Variants in AHI1 observed in about 807,000 individuals in gnomAD.
AHI1 encodes Abelson helper integration site 1.
A neutral mutation model predicts 149.3 loss-of-function variants in AHI1; 123 were observed. That is an observed-to-expected ratio of 0.82 (90% CI 0.71 to 0.96). The LOEUF (loss-of-function observed/expected upper bound fraction) is 0.96. Among genes scored for constraint, AHI1 ranks in the 40% least tolerant of loss-of-function variants. The pLI, the probability that AHI1 is intolerant of heterozygous loss-of-function variation, is 0.00. For missense variants in AHI1, 1,439 were observed against 1,422.7 expected, an observed-to-expected ratio of 1.01 and a Z score of -0.18; for synonymous variants, 475 against 459.8, an observed-to-expected ratio of 1.03 and a Z score of -0.42.
chr6:135,412,108 T>C (rs959411562), intron 20 of AHI1, among the ~76,000 whole-genome samples: 3 of 152,256 alleles, frequency 2.0e-5, no homozygotes, highest in Admixed American at 1.3e-4. Context: ...CTGAATACAG[T>C]TGGTCCACTG....
At chr6:135,393,336 T>G (rs112717259) in intron 23 of AHI1, among the ~76,000 whole-genome samples, 2 of 152,176 alleles carry the variant, frequency 1.3e-5, no homozygotes, top group Non-Finnish European at 2.9e-5. Flanking sequence ...AGATACTGCT[T>G]AAATGAATTT....
In AHI1 at chr6:135,448,471, A is replaced by G; in HGVS notation, c.1445T>C (p.Leu482Pro). ...GATGTTTGCATTTCCATTGGCTCCC[A>G]GAAGCTTAAAATAAGAATTCATATA... Reference protein sequence around the residue: ...RKIAWAFLKLLGANGNANINS... With the variant: ...RKIAWAFLKLPGANGNANINS... Residue 482 changes from leucine (L) to proline (P), a missense_variant, in exon 12 of 29, where the codon CTG becomes CCG. Physicochemically the swap from Leu to Pro is moderately conservative, Grantham distance 98 (BLOSUM62 -3). Transcript: ENST00000265602. 6.8e-7 allele frequency: 1 copy of G among 1,465,334 alleles called. No homozygotes were observed. Among genetic ancestry groups the G allele is most frequent in the South Asian group, 1.6e-5 (1 of 61,558 alleles). 90.8% of individuals were successfully genotyped at this position (1,465,334 alleles called of 1,614,324 possible). A position where few individuals can be genotyped will look rare whatever the true frequency, so the allele number is the denominator to read the frequency against.
At chr6:135,495,714 G>A (rs1424279578) in intron 3 of AHI1, 100 bp downstream of exon 3, 1 of 152,204 alleles carries the variant, frequency 6.6e-6, no homozygotes. Flanking sequence ...CTGCCACTAT[G>A]AAAGAAAAGA....
intron 28 of AHI1, among the ~76,000 whole-genome samples, chr6:135,288,902 ATAG>A (rs1279210819): frequency 6.6e-6 from 1 of 152,030 alleles, no homozygotes; most frequent in East Asian, 1.9e-4. Flanking sequence ...GATCAATCTT[ATAG>A]TATTACCAGC....
intron 23 of AHI1, among the ~76,000 whole-genome samples, chr6:135,374,915 CAATA>C (rs1351539141): frequency 2.0e-5 from 3 of 152,110 alleles, no homozygotes; most frequent in Non-Finnish European, 4.4e-5. Flanking sequence ...GTGGAATATT[CAATA>C]AACTACATGA....
At chr6:135,386,561 C>T (rs1040481813) in intron 23 of AHI1, among the ~76,000 whole-genome samples, 1 of 152,144 alleles carries the variant, frequency 6.6e-6, no homozygotes, top group Non-Finnish European at 1.5e-5. Flanking sequence ...CCGCCTGCCT[C>T]GGCCTCCCAA....
At chr6:135,307,247 C>T (rs897684040) in intron 26 of AHI1, 9 of 152,114 alleles carry the variant, frequency 5.9e-5, no homozygotes, top group African/African-American at 2.2e-4. Flanking sequence ...AAGTTCTTCC[C>T]TTTTTATGTA....
At chr6:135,439,207 G>A (rs1402555407) in intron 14 of AHI1, among the ~76,000 whole-genome samples, 3 of 152,176 alleles carry the variant, frequency 2.0e-5, no homozygotes, top group Non-Finnish European at 4.4e-5. Flanking sequence ...GTTACCCGCA[G>A]TCAACCATGG....
chr6:135,365,371 G>T (rs1054295629), intron 23 of AHI1, among the ~76,000 whole-genome samples: 5 of 152,098 alleles, frequency 3.3e-5, no homozygotes, highest in African/African-American at 1.2e-4. Context: ...GATGGAAATT[G>T]CATTGAATTT....
chr6:135,352,737 A>AT (rs1792340043), intron 24 of AHI1, among the ~76,000 whole-genome samples: 1 of 147,082 alleles, frequency 6.8e-6, no homozygotes, highest in African/African-American at 2.6e-5. Context: ...ACACACACAC[A>AT]ATATATATAC....
chr6:135,290,406 A>G lies in AHI1; in HGVS notation c.3588+17T>C, dbSNP rs527546069. ...TGTTGACAACATAGCGCAACTTTCTATTGGTTTTCCCCTTACCTCTATTAG... is the reference window on the plus strand; with the variant it reads ...TGTTGACAACATAGCGCAACTTTCTGTTGGTTTTCCCCTTACCTCTATTAG... On this transcript the variant is annotated intron_variant, in intron 28 of 28. Transcript: ENST00000265602. 7.1e-7 allele frequency: 1 copy of G among 1,411,556 alleles called. No homozygotes were observed. Among genetic ancestry groups the G allele is most frequent in the Non-Finnish European group, 1.0e-6 (1 of 996,234 alleles). The allele number at this position is 1,411,556 out of a possible 1,614,324, so 87.4% of individuals were successfully genotyped here.
chr6:135,396,453 C>T (rs980615527), intron 22 of AHI1, among the ~76,000 whole-genome samples: 3 of 151,588 alleles, frequency 2.0e-5, no homozygotes, highest in Admixed American at 6.6e-5. Context: ...AACCATAAAG[C>T]ACTAATGAAC....
chr6:135,320,617 T>G (rs1332721110), intron 25 of AHI1, among the ~76,000 whole-genome samples: 1 of 152,178 alleles, frequency 6.6e-6, no homozygotes, highest in Non-Finnish European at 1.5e-5. Context: ...TCACTGTAGC[T>G]CAAATATCTA....
intron 5 of AHI1, among the ~76,000 whole-genome samples, chr6:135,481,776 A>G (rs187401398): frequency 2.0e-4 from 30 of 148,986 alleles, no homozygotes; most frequent in Non-Finnish European, 3.1e-4. Flanking sequence ...TGCACCTCAA[A>G]AAGTTTTTAT....
intron 20 of AHI1, among the ~76,000 whole-genome samples, chr6:135,418,674 C>T (rs1782717555): frequency 6.6e-6 from 1 of 152,074 alleles, no homozygotes; most frequent in African/African-American, 2.4e-5. Flanking sequence ...CCTGGAATCA[C>T]AACATATTCT....
intron 24 of AHI1, among the ~76,000 whole-genome samples, chr6:135,340,285 T>C (rs1213399470): frequency 2.0e-5 from 3 of 151,938 alleles, no homozygotes; most frequent in African/African-American, 4.8e-5. Flanking sequence ...GGCAGGCGAA[T>C]TGCCTGAACC....
chr6:135,421,568 T>C (rs1335652506), intron 20 of AHI1, among the ~76,000 whole-genome samples: 2 of 152,162 alleles, frequency 1.3e-5, no homozygotes, highest in African/African-American at 2.4e-5. Flanking sequence ...GTATTTTGTC[T>C]AGAATGCCAG....
intron 24 of AHI1, among the ~76,000 whole-genome samples, chr6:135,355,918 C>A (rs1201064364): frequency 6.6e-6 from 1 of 151,862 alleles, no homozygotes; most frequent in South Asian, 2.1e-4. Flanking sequence ...AACAAACAAA[C>A]AAACAAACAT....
At chr6:135,353,157 T>C (rs1051242389) in intron 24 of AHI1, among the ~76,000 whole-genome samples, 3 of 152,158 alleles carry the variant, frequency 2.0e-5, no homozygotes, top group African/African-American at 7.2e-5. Context: ...ACATGTTATA[T>C]TACGGAAGAC....
Sources: allele counts gnomAD v4.1 joint callset (sites outside exome capture counted in the v4.1 genomes callset), GRCh38; gene constraint gnomAD v4.1.1; transcripts MANE v1.5; gene names NCBI Gene and HGNC (gene_info 2026-07-23, HGNC 2026-07-21).